The following PTPN21 variants were observed in gnomAD, a reference collection of about 807,000 sequenced individuals.
The protein encoded by PTPN21 is protein tyrosine phosphatase non-receptor type 21, also known as tyrosine-protein phosphatase non-receptor type 21.
A neutral mutation model predicts 131.8 loss-of-function variants in PTPN21; 77 were observed. The ratio of observed to expected loss-of-function variants is 0.58; its 90% CI spans 0.49 to 0.71. PTPN21 has a LOEUF of 0.71. Ranked by LOEUF, PTPN21 falls within the 30% of genes least tolerant of loss-of-function variation. The pLI is 0.00. For synonymous variants in PTPN21, 715 were observed against 621.3 expected, an observed-to-expected ratio of 1.15 and a Z score of -2.24; for missense variants, 1,552 against 1,527.1, an observed-to-expected ratio of 1.02 and a Z score of -0.27.
Position 88,469,424 on chromosome 14 carries a change from C to A in PTPN21, c.3235+75G>T, listed in dbSNP as rs1333764357. ...ATGAGATAACATAAAGGAAATATTT[C>A]GGAAACATAAATGTTCCTCTCTGTT... On this transcript the variant is annotated intron_variant, in intron 17 of 18. Coordinates refer to ENST00000556564, the MANE Select transcript of PTPN21 (RefSeq NM_007039.4). This position sits in a 1 kb window ranked among gnomAD's most constrained non-coding sequence, Gnocchi z 4.3. 2 of 1,269,928 alleles carry A rather than the reference C, an allele frequency of 1.6e-6. No individual in the cohort carries two copies. Among genetic ancestry groups the A allele is most frequent in the Admixed American group, 3.6e-5 (2 of 54,828 alleles). 78.7% of individuals were successfully genotyped at this position (1,269,928 alleles called of 1,614,324 possible). A position where few individuals can be genotyped will look rare whatever the true frequency, so the allele number is the denominator to read the frequency against.
chr14:88,484,511 G>T (rs2077704712), intron 12 of PTPN21, among the ~76,000 whole-genome samples: 1 of 152,102 alleles, frequency 6.6e-6, no homozygotes, highest in Non-Finnish European at 1.5e-5. Flanking sequence ...TTCTTTGTCA[G>T]ATAGCAAAGA....
intron 10 of PTPN21, among the ~76,000 whole-genome samples, chr14:88,488,025 T>C (rs2077764170): frequency 2.0e-5 from 3 of 151,814 alleles, no homozygotes; most frequent in African/African-American, 7.3e-5. Flanking sequence ...TTTGCAGCCT[T>C]GAAATTTACT....
intron 6 of PTPN21, among the ~76,000 whole-genome samples, chr14:88,503,012 A>G (rs1334463222): frequency 2.6e-5 from 4 of 151,568 alleles, no homozygotes; most frequent in Non-Finnish European, 5.9e-5. Flanking sequence ...TCTGCTTTCA[A>G]TTTCCACCTC....
chr14:88,521,560 G>A (rs989718962), intron 2 of PTPN21, among the ~76,000 whole-genome samples: 8 of 110,228 alleles, frequency 7.3e-5, no homozygotes, highest in South Asian at 3.0e-4. Flanking sequence ...CCGCCACCAC[G>A]CCCAACTTTT....
intron 2 of PTPN21, among the ~76,000 whole-genome samples, chr14:88,536,051 T>G (rs1436128570): frequency 6.6e-6 from 1 of 152,230 alleles, no homozygotes; most frequent in Non-Finnish European, 1.5e-5. Flanking sequence ...CTTCTCTTTC[T>G]CCACAGCTGC....
rs1227716244 is a variant in PTPN21, at chr14:88,474,979, C to G, written c.2512-1177G>C. ...TGGTGGCACATGCCTGTAATCCCAG[C>G]TACTCGGGAGGCTGAGGCAGGAGAA... On this transcript the variant is annotated intron_variant, in intron 13 of 18. Coordinates refer to ENST00000556564, the MANE Select transcript of PTPN21 (RefSeq NM_007039.4). Among the ~76,000 whole-genome samples, 3 of 152,170 alleles carry G rather than the reference C, an allele frequency of 2.0e-5. No homozygotes were observed. The East Asian group carries it at 5.8e-4, about 29-fold the overall frequency.
At chr14:88,543,227 C>T (rs1274138717) in intron 2 of PTPN21, among the ~76,000 whole-genome samples, 2 of 152,000 alleles carry the variant, frequency 1.3e-5, no homozygotes, top group African/African-American at 4.8e-5. Context: ...CTAACAAATC[C>T]CCTAGCGAAA....
chr14:88,508,150 G>GTT (rs34305703), intron 3 of PTPN21, 130 bp from the exon 4 acceptor site: 4,390 of 396,752 alleles, frequency 0.011, no homozygotes, highest in East Asian at 0.017. Flanking sequence ...GGTTGTGTGT[G>GTT]TTTTTTTTTT....
At chr14:88,498,714 G>A (rs2077963375) in intron 8 of PTPN21, among the ~76,000 whole-genome samples, 1 of 152,002 alleles carries the variant, frequency 6.6e-6, no homozygotes, top group South Asian at 2.1e-4. Context: ...AAAGCTTCAG[G>A]GTGAAGATAA....
chr14:88,535,960 C>T (rs1190841461), intron 2 of PTPN21, among the ~76,000 whole-genome samples: 3 of 152,168 alleles, frequency 2.0e-5, no homozygotes, highest in East Asian at 3.9e-4. Flanking sequence ...TAGTTATTGG[C>T]GTTCAGTTCA....
intron 2 of PTPN21, among the ~76,000 whole-genome samples, chr14:88,532,912 T>A (rs1050534429): frequency 1.3e-5 from 2 of 152,206 alleles, no homozygotes; most frequent in Non-Finnish European, 2.9e-5. Context: ...ACAATCACTG[T>A]TCCTAAAAGC....
intron 2 of PTPN21, among the ~76,000 whole-genome samples, chr14:88,547,316 G>T (rs960854138): frequency 1.1e-5 from 1 of 94,792 alleles, no homozygotes; most frequent in Non-Finnish European, 2.1e-5. Context: ...AAAAAAAGTC[G>T]AAGCAACCAA....
intron 2 of PTPN21, among the ~76,000 whole-genome samples, chr14:88,549,308 G>C (rs983962327): frequency 1.3e-5 from 2 of 152,176 alleles, no homozygotes; most frequent in East Asian, 1.9e-4. Context: ...CTGTACTAGA[G>C]ATCAGGATGA....
rs2078283119 is a variant in PTPN21 at position 88,517,098 on chromosome 14, A to G, written c.344T>C (p.Ile115Thr). Residue 115 changes from isoleucine to threonine, a missense_variant, in exon 3 of 19, where the codon ATT (isoleucine) becomes ACT (threonine). This residue lies in a region of PTPN21 where 206 missense variants were observed against 221.6 expected (regional missense o/e 0.93). Transcript: ENST00000556564. ...VPSVSQLQQE[I>T]TRYQYYLQLK... is the part of the protein sequence containing the mutation. ...ACGGCATGTAATTTCTCACCTGGTAATCTCCTGCTGCAGCTGAGAAACTGA... is the reference window on the plus strand; with the variant it reads ...ACGGCATGTAATTTCTCACCTGGTAGTCTCCTGCTGCAGCTGAGAAACTGA... 2.5e-6 allele frequency: 4 copies of G among 1,613,514 alleles called. No individual in the cohort carries two copies. The highest frequency in any genetic ancestry group is 3.4e-6 in the Non-Finnish European group (4 of 1,179,574).
At position 88,470,159 on chromosome 14, in the gene PTPN21, TAAA is replaced by T. The variant is rs1486256046; in HGVS notation, c.2872-112_2872-110del. The T allele has an allele frequency of 1.8e-5, 18 of 1,010,672 alleles. No individual in the cohort carries two copies. The East Asian group carries it at 3.1e-4, about 17-fold the overall frequency. The allele number at this position is 1,010,672 out of a possible 1,614,324, so 62.6% of individuals were successfully genotyped here. A position where few individuals can be genotyped will look rare whatever the true frequency, so the allele number is the denominator to read the frequency against. On this transcript the variant is annotated intron_variant, in intron 15 of 18. Transcript: ENST00000556564. ...AAAGTTTTTTTAAAAAAGTAAAAAGTAAAAAAGTAGTAAACTGGATTATTCAGC... is the reference window on the plus strand; with the variant it reads ...AAAGTTTTTTTAAAAAAGTAAAAAGTAAAGTAGTAAACTGGATTATTCAGC...
intron 13 of PTPN21, among the ~76,000 whole-genome samples, chr14:88,476,690 T>A (rs2077552532): frequency 1.3e-5 from 2 of 151,890 alleles, no homozygotes; most frequent in Admixed American, 6.6e-5. Flanking sequence ...CACAGAGAAC[T>A]AACAAATGGC....
At chr14:88,533,922 A>C (rs2078590017) in intron 2 of PTPN21, among the ~76,000 whole-genome samples, 1 of 152,140 alleles carries the variant, frequency 6.6e-6, no homozygotes, top group Non-Finnish European at 1.5e-5. Context: ...TTCCAGAAGA[A>C]GGCATTGTTA....
rs530935367 is a variant in PTPN21 at position 88,486,007 on chromosome 14, G to A, written c.933-165C>T. The stretch of plus-strand genomic sequence containing the variant: ...AAGAAGGGAGGTTCTCTGTCGGCCC[G>A]TGGGGCCTCAGCCCTTTCCTGCTGC... On this transcript the variant is annotated intron_variant, in intron 10 of 18. Transcript: ENST00000556564. Among the ~76,000 whole-genome samples the A allele has an allele frequency of 2.0e-5, 3 of 152,276 alleles. No homozygotes were observed. In the South Asian group the frequency reaches 6.2e-4, roughly 32 times the overall value.
chr14:88,496,401 G>A lies in PTPN21; in HGVS notation c.932+12C>T, dbSNP rs1421464023. On this transcript the variant is annotated intron_variant, in intron 10 of 18. Transcript: ENST00000556564. Reference sequence around the variant, plus strand: ...TTATTTTTGATAATTTCCATGAGCAGGACATACTTACAGGTTACACTGGTT... The same window carrying A: ...TTATTTTTGATAATTTCCATGAGCAAGACATACTTACAGGTTACACTGGTT... The A allele has an allele frequency of 6.3e-7, 1 of 1,588,292 alleles. No individual in the cohort carries two copies. Among genetic ancestry groups the A allele is most frequent in the African/African-American group, 1.3e-5 (1 of 74,314 alleles).
Sources: gnomAD v4.1 joint callset for allele counts (sites outside exome capture counted in the v4.1 genomes callset) on GRCh38, gnomAD v4.1.1 for gene constraint, gnomAD v4.1.1 regional missense constraint, Gnocchi (gnomAD v3.1) non-coding constraint, MANE v1.5 for transcripts, NCBI Gene and HGNC (gene_info 2026-07-23, HGNC 2026-07-21) for gene names.